The following JPT2 variants were observed in gnomAD, a reference collection of about 807,000 sequenced individuals.
The protein encoded by JPT2 is CRAMP_1 like.
Under a neutral mutation model 15.9 loss-of-function variants are expected in JPT2, and 9 were observed. That is an observed-to-expected ratio of 0.57 (90% CI 0.34 to 0.99). The LOEUF is 0.99. Ranked by LOEUF, JPT2 falls within the 50% of genes least tolerant of loss-of-function variation. The pLI is 0.02. For synonymous variants in JPT2, 95 were observed against 91.7 expected (o/e 1.04, Z -0.21); for missense variants, 267 against 252.1 (o/e 1.06, Z -0.40).
chr16:1,683,595 C>T (rs1487290174), intron 1 of JPT2: 167 of 1,534,732 alleles, frequency 1.1e-4, no homozygotes, highest in Non-Finnish European at 1.4e-4. Context: ...CTTCAGAGGT[C>T]GGCCAGCACA....
Position 1,699,163 on chromosome 16 carries a change from G to T in JPT2, c.*165G>T, listed in dbSNP as rs762954620. On this transcript the variant is annotated 3_prime_UTR_variant, in exon 5 of 5. Transcript: ENST00000248098. ...CGTCATGACAGCTGCTTGGAGACCC[G>T]TGCCTTCCAGATGGCTGGGAGATGC... is the stretch of plus-strand genomic sequence containing the variant. 25 of 756,534 alleles carry T rather than the reference G, an allele frequency of 3.3e-5. No homozygotes were observed. Among genetic ancestry groups the T allele is most frequent in the Admixed American group, 1.8e-4 (9 of 50,058 alleles). 46.9% of individuals were successfully genotyped at this position (756,534 alleles called of 1,614,324 possible).
intron 1 of JPT2, chr16:1,683,414 C>A: frequency 8.4e-6 from 5 of 598,116 alleles, no homozygotes; most frequent in African/African-American, 1.9e-5. Flanking sequence ...CCCGGACAGC[C>A]CTTTCTCATT....
intron 1 of JPT2, among the ~76,000 whole-genome samples, chr16:1,682,948 G>A (rs2037035398): frequency 6.6e-6 from 1 of 152,088 alleles, no homozygotes; most frequent in East Asian, 1.9e-4. Context: ...GACAACAGGC[G>A]CATACCACCA....
At chr16:1,697,938 T>C in intron 4 of JPT2, 78 bp downstream of exon 4, 3 of 1,318,968 alleles carry the variant, frequency 2.3e-6, no homozygotes, top group Non-Finnish European at 3.3e-6. Flanking sequence ...CCTCTGGGAA[T>C]GAAAAGGAGT....
chr16:1,695,381 G>A lies in JPT2; in HGVS notation c.337-2431G>A, dbSNP rs137915856. 7.3e-5 allele frequency among the ~76,000 whole-genome samples: 11 copies of A among 151,452 alleles called. No individual in the cohort carries two copies. The East Asian group carries it at 2.1e-3, about 29-fold the overall frequency. On this transcript the variant is annotated intron_variant, in intron 3 of 4. Coordinates refer to ENST00000248098, the MANE Select transcript of JPT2 (RefSeq NM_144570.3). ...GATCGTGCTATTGCACTCCAGCCTG[G>A]GCAACAAGAGCGAAACTCCGTCCCA...
intron 3 of JPT2, among the ~76,000 whole-genome samples, chr16:1,694,281 C>T (rs1231039109): frequency 6.6e-6 from 1 of 152,166 alleles, no homozygotes; most frequent in Admixed American, 6.5e-5. Context: ...CCACCATGGG[C>T]CCCCATTGAC....
At chr16:1,681,323 G>T (rs1342420905) in intron 1 of JPT2, among the ~76,000 whole-genome samples, 12 of 152,202 alleles carry the variant, frequency 7.9e-5, no homozygotes, top group Admixed American at 7.9e-4. Flanking sequence ...GACCGAGATA[G>T]CCGCTGCCCC....
chr16:1,691,224 C>T (rs1331371694), intron 2 of JPT2, among the ~76,000 whole-genome samples: 2 of 152,198 alleles, frequency 1.3e-5, no homozygotes, highest in Non-Finnish European at 2.9e-5. Context: ...CCTTTAGTCA[C>T]CTGCTACTAG....
At chr16:1,691,708 T>C in intron 2 of JPT2, 135 bp from the exon 3 acceptor site, 1 of 1,013,806 alleles carries the variant, frequency 9.9e-7, no homozygotes, top group South Asian at 1.6e-5. Flanking sequence ...CTGAGCATCC[T>C]GCCCTGTTGG....
At chr16:1,685,891 G>A (rs1032268052) in intron 2 of JPT2, 3 of 255,472 alleles carry the variant, frequency 1.2e-5, no homozygotes, top group Non-Finnish European at 2.2e-5. Context: ...GGACCCCCAT[G>A]AGATTCCTGA....
At position 1,698,945 on chromosome 16, in the gene JPT2, C is replaced by G. The variant is rs1209171179; in HGVS notation, c.520C>G (p.His174Asp). Residue 174 changes from histidine (H) to aspartate (D), a missense_variant, in exon 5 of 5, where the codon CAC becomes GAC. By Grantham distance (81) the His-to-Asp change is moderately conservative. Transcript: ENST00000248098. This position sits in a 1 kb window ranked among gnomAD's most constrained non-coding sequence, Gnocchi z 4.9. ...CCGGCTGGGGCCGCGGCCTCGCTCT[C>G]ACAACAAGGTCCTGAACCCACCGGG... ...EPRLGPRPRSHNKVLNPPGGK... is the reference protein window; with the variant it reads ...EPRLGPRPRSDNKVLNPPGGK... The G allele has an allele frequency of 6.2e-7, 1 of 1,614,146 alleles. No individual in the cohort carries two copies. The highest frequency in any genetic ancestry group is 1.7e-5 in the Admixed American group (1 of 60,020).
chr16:1,683,716 C>A, intron 1 of JPT2: 1 of 688,592 alleles, frequency 1.5e-6, no homozygotes, highest in Non-Finnish European at 2.5e-6. Context: ...CCATTCACAT[C>A]CAGTCACAAG....
chr16:1,678,831 G>C (rs1283686834), intron 1 of JPT2, among the ~76,000 whole-genome samples: 2 of 152,198 alleles, frequency 1.3e-5, no homozygotes, highest in African/African-American at 4.8e-5. Context: ...CCATGCCCCC[G>C]CTCCTGTGCG....
At chr16:1,679,123 C>T (rs2036999532) in intron 1 of JPT2, among the ~76,000 whole-genome samples, 1 of 152,186 alleles carries the variant, frequency 6.6e-6, no homozygotes, top group Non-Finnish European at 1.5e-5. Context: ...TATTGGGACT[C>T]GCATGAATTA....
chr16:1,681,597 C>G (rs932855195), intron 1 of JPT2, among the ~76,000 whole-genome samples: 11 of 152,170 alleles, frequency 7.2e-5, no homozygotes, highest in Non-Finnish European at 8.8e-5. Flanking sequence ...CCCGATGGCA[C>G]TAGGCGTCTG....
At position 1,685,993 on chromosome 16, in the gene JPT2, A is replaced by G. The variant is rs147160087; in HGVS notation, c.193+406A>G. On this transcript the variant is annotated intron_variant, in intron 2 of 4. Coordinates refer to ENST00000248098, the MANE Select transcript of JPT2 (RefSeq NM_144570.3). ...CGTCAGTGGGATTGAAACTCTTAAC[A>G]AGGAAGAATTGATCTAGCACACATC... The G allele has an allele frequency of 4.9e-4, 87 of 178,078 alleles. 1 individual carries two copies. Among genetic ancestry groups the G allele is most frequent in the African/African-American group, 1.9e-3 (80 of 41,826 alleles). 11.0% of individuals were successfully genotyped at this position (178,078 alleles called of 1,614,324 possible).
In JPT2 at chr16:1,698,801, T is replaced by C. The variant is rs1567472606; in HGVS notation, c.386-10T>C. ...CTAATGGGATGTTGTTCTAACTTTG[T>C]GTCCCACAGCTGCAAGGAGCATCCC... On this transcript the variant is annotated splice_polypyrimidine_tract_variant and intron_variant, in intron 4 of 4. Transcript: ENST00000248098. This position sits in a 1 kb window ranked among gnomAD's most constrained non-coding sequence, Gnocchi z 4.9. The C allele has an allele frequency of 6.2e-7, 1 of 1,604,838 alleles. No homozygotes were observed. The highest frequency in any genetic ancestry group is 1.3e-5 in the African/African-American group (1 of 74,438).
chr16:1,693,765 C>T (rs955038795), intron 3 of JPT2, among the ~76,000 whole-genome samples: 97 of 151,324 alleles, frequency 6.4e-4, no homozygotes, highest in African/African-American at 2.3e-3. Flanking sequence ...ACAAAATAAG[C>T]GTAGAATATC....
chr16:1,697,021 A>G (rs997681615), intron 3 of JPT2, among the ~76,000 whole-genome samples: 1 of 152,240 alleles, frequency 6.6e-6, no homozygotes. Context: ...CACCAGGATT[A>G]TTCACAGTAG....
Sources: gnomAD v4.1 joint callset for allele counts (sites outside exome capture counted in the v4.1 genomes callset) on GRCh38, gnomAD v4.1.1 for gene constraint, Gnocchi (gnomAD v3.1) non-coding constraint, MANE v1.5 for transcripts, NCBI Gene and HGNC (gene_info 2026-07-23, HGNC 2026-07-21) for gene names.